Variants in H2BC5 observed in about 807,000 individuals in gnomAD.
The protein encoded by H2BC5 is histone H2B type 1-D.
Under a neutral mutation model 5.7 loss-of-function variants are expected in H2BC5, and 9 were observed. That is an observed-to-expected ratio of 1.57 (90% CI 0.95 to 2.74). The LOEUF (loss-of-function observed/expected upper bound fraction) is 2.74. Among genes scored for constraint, H2BC5 ranks in the 30% most tolerant of loss-of-function variants. The probability of loss-of-function intolerance (pLI) is 0.00; values close to 1 mark genes in which losing one functional copy is unlikely to be tolerated. For missense variants in H2BC5, 175 were observed against 168.8 expected, an observed-to-expected ratio of 1.04 and a Z score of -0.20; for synonymous variants, 133 against 70.9, an observed-to-expected ratio of 1.88 and a Z score of -4.40.
Position 26,158,493 on chromosome 6 carries a change from C to T in H2BC5, c.324C>T (p.Ala108=), listed in dbSNP as rs1764278924. 2 of 1,614,140 alleles carry T rather than the reference C, an allele frequency of 1.2e-6. No homozygotes were observed. Among genetic ancestry groups the T allele is most frequent in the Admixed American group, 3.3e-5 (2 of 60,010 alleles). Residue 108 remains alanine, a synonymous_variant, in exon 1 of 1, where the codon GCC becomes GCT. Transcript: ENST00000377777. The stretch of plus-strand genomic sequence containing the variant: ...GCCTGCTGCTTCCGGGGGAGCTGGC[C>T]AAGCACGCCGTGTCGGAGGGCACCA... The part of the protein sequence containing the change: ...AVRLLLPGEL[A]KHAVSEGTKA...
chr6:26,169,533 A>G (rs1764485200), intron 1 of H2BC5, among the ~76,000 whole-genome samples: 1 of 152,234 alleles, frequency 6.6e-6, no homozygotes, highest in African/African-American at 2.4e-5. Flanking sequence ...AAATTTCAAA[A>G]TATTCTTTAT....
exon 2 of H2BC5, chr6:26,171,129 A>G (rs1764508887): frequency 1.3e-5 from 2 of 152,168 alleles, no homozygotes; most frequent in African/African-American, 4.8e-5. Flanking sequence ...CTGGTTCATC[A>G]AAAGAAGGTT....
chr6:26,158,162 A>G lies in H2BC5; in HGVS notation c.-8A>G. Reference sequence around the variant, plus strand: ...GTTTGCAACAGTGTTCTAACTATTAACGCTACGATGCCTGAACCTACCAAG... The same window carrying G: ...GTTTGCAACAGTGTTCTAACTATTAGCGCTACGATGCCTGAACCTACCAAG... On this transcript the variant is annotated 5_prime_UTR_variant, in exon 1 of 1. Coordinates refer to ENST00000377777, the MANE Select transcript of H2BC5 (RefSeq NM_021063.4). 2 of 1,611,224 alleles carry G rather than the reference A, an allele frequency of 1.2e-6. No individual in the cohort carries two copies. Among genetic ancestry groups the G allele is most frequent in the South Asian group, 1.1e-5 (1 of 90,852 alleles).
chr6:26,165,815 G>A (rs1343977225), intron 1 of H2BC5, among the ~76,000 whole-genome samples: 1 of 152,198 alleles, frequency 6.6e-6, no homozygotes, highest in Non-Finnish European at 1.5e-5. Context: ...CTGGGAATGA[G>A]GGATGAAAAG....
chr6:26,164,186 A>AG, intron 1 of H2BC5: 1 of 446,898 alleles, frequency 2.2e-6, no homozygotes. Flanking sequence ...AGGAGGTGGC[A>AG]GGGGTGAGGG....
intron 1 of H2BC5, among the ~76,000 whole-genome samples, chr6:26,167,973 AT>A (rs1203930071): frequency 6.6e-6 from 1 of 151,882 alleles, no homozygotes; most frequent in African/African-American, 2.4e-5. Flanking sequence ...TGTACAGGGT[AT>A]CATATTTAAA....
chr6:26,158,555 G>T lies in H2BC5; in HGVS notation c.*5G>T. 1 of 1,614,042 alleles carries T rather than the reference G, an allele frequency of 6.2e-7. No homozygotes were observed. On this transcript the variant is annotated 3_prime_UTR_variant, in exon 1 of 1. Coordinates refer to ENST00000377777, the MANE Select transcript of H2BC5 (RefSeq NM_021063.4). ...AAGTACACCAGTTCCAAGTAACTTT[G>T]CCAAGTAAGCATCTTTACACCTAAT...
At chr6:26,167,947 A>T (rs909496139) in intron 1 of H2BC5, among the ~76,000 whole-genome samples, 1 of 151,848 alleles carries the variant, frequency 6.6e-6, no homozygotes, top group Non-Finnish European at 1.5e-5. Flanking sequence ...CACAACGTGC[A>T]GGTTTGTTAC....
In H2BC5 at chr6:26,158,294, TGTACAA is replaced by T. The variant is rs1438431371; in HGVS notation, c.127_132del (p.Tyr43_Lys44del). ...CGCAAGGAGAGCTATTCAGTGTATG[TGTACAA>T]GGTGCTGAAGCAGGTCCATCCCGAC... is the stretch of plus-strand genomic sequence containing the variant. On this transcript the variant is annotated inframe_deletion, in exon 1 of 1. Transcript: ENST00000377777. 6.2e-7 allele frequency: 1 copy of T among 1,614,246 alleles called. No individual in the cohort carries two copies. The highest frequency in any genetic ancestry group is 2.2e-5 in the East Asian group (1 of 44,882).
In H2BC5 at chr6:26,158,432, C is replaced by T; in HGVS notation, c.263C>T (p.Ser88Leu). 2 of 1,614,236 alleles carry T rather than the reference C, an allele frequency of 1.2e-6. No homozygotes were observed. The highest frequency in any genetic ancestry group is 1.7e-6 in the Non-Finnish European group (2 of 1,180,042). Reference protein sequence around the residue: ...ASRLAHYNKRSTITSREIQTA... With the variant: ...ASRLAHYNKRLTITSREIQTA... ...CGCCTGGCGCATTACAACAAGCGCT[C>T]GACCATCACCTCCAGGGAGATCCAG... is the stretch of plus-strand genomic sequence containing the variant. Residue 88 changes from serine to leucine, a missense_variant, in exon 1 of 1, where the codon TCG becomes TTG. By Grantham distance (145) the Ser-to-Leu change is moderately radical. Around this residue, in one of 4 missense-constraint regions of H2BC5, gnomAD observed 43 missense variants for 37.7 expected, o/e 1.14. Transcript: ENST00000377777.
rs757723319 is a variant in H2BC5, at chr6:26,158,507, CG to C, written c.340del (p.Glu114ArgfsTer18). The C allele has an allele frequency of 6.2e-7, 1 of 1,614,120 alleles. No homozygotes were observed. The highest frequency in any genetic ancestry group is 8.5e-7 in the Non-Finnish European group (1 of 1,180,054). ...GGGGAGCTGGCCAAGCACGCCGTGT[CG>C]GAGGGCACCAAGGCCGTCACCAAGT... Reference protein sequence around the residue: ...LPGELAKHAVSEGTKAVTKYT... With the variant: ...LPGELAKHAVXEGTKAVTKYT... On this transcript the variant is annotated frameshift_variant, in exon 1 of 1. Transcript: ENST00000377777. LOFTEE classifies it high-confidence loss of function.
At chr6:26,170,653 G>C (rs1212179744) in intron 1 of H2BC5, among the ~76,000 whole-genome samples, 1 of 152,152 alleles carries the variant, frequency 6.6e-6, no homozygotes, top group African/African-American at 2.4e-5. Flanking sequence ...TTTTCACTGA[G>C]TTAAAATAAA....
intron 1 of H2BC5, among the ~76,000 whole-genome samples, chr6:26,165,686 C>T (rs759925956): frequency 2.0e-4 from 30 of 152,078 alleles, no homozygotes; most frequent in Non-Finnish European, 3.5e-4. Flanking sequence ...ATCTCTGAGA[C>T]GTCAAGGAGG....
intron 1 of H2BC5, among the ~76,000 whole-genome samples, chr6:26,165,948 C>T (rs1195762025): frequency 6.6e-6 from 1 of 152,178 alleles, no homozygotes; most frequent in Non-Finnish European, 1.5e-5. Context: ...CTGTGAATGA[C>T]AATGGAATGG....
At chr6:26,166,225 C>G (rs78357539) in intron 1 of H2BC5, among the ~76,000 whole-genome samples, 1 of 152,260 alleles carries the variant, frequency 6.6e-6, no homozygotes, top group East Asian at 1.9e-4. Flanking sequence ...CATCTCATTG[C>G]TTTTAGCCTG....
At chr6:26,168,928 G>A (rs887577344) in intron 1 of H2BC5, among the ~76,000 whole-genome samples, 4 of 152,114 alleles carry the variant, frequency 2.6e-5, no homozygotes, top group African/African-American at 7.2e-5. Context: ...TAGAATGTCC[G>A]AGAAACAGAT....
chr6:26,167,773 A>T (rs1764453956), intron 1 of H2BC5, among the ~76,000 whole-genome samples: 1 of 152,020 alleles, frequency 6.6e-6, no homozygotes, highest in Admixed American at 6.5e-5. Flanking sequence ...AAGAACTCAG[A>T]GCTATTTCTC....
chr6:26,163,051 T>G (rs1764373500), downstream of H2BC5, among the ~76,000 whole-genome samples: 1 of 152,164 alleles, frequency 6.6e-6, no homozygotes, highest in Non-Finnish European at 1.5e-5. Flanking sequence ...AAATAATACC[T>G]GGGTAAATTT....
At chr6:26,168,833 A>T (rs1278919443) in intron 1 of H2BC5, among the ~76,000 whole-genome samples, 2 of 152,202 alleles carry the variant, frequency 1.3e-5, no homozygotes, top group Non-Finnish European at 2.9e-5. Context: ...GCTACTTTTT[A>T]AAAAATATGC....
Sources: gnomAD v4.1 joint callset for allele counts (sites outside exome capture counted in the v4.1 genomes callset) on GRCh38, gnomAD v4.1.1 for gene constraint, gnomAD v4.1.1 regional missense constraint, MANE v1.5 for transcripts, NCBI Gene and HGNC (gene_info 2026-07-23, HGNC 2026-07-21) for gene names.